HTR4: variants seen among roughly 807,000 people sequenced by gnomAD.
The protein encoded by HTR4 is 5-hydroxytryptamine (serotonin) receptor 4, G protein-coupled.
Under a neutral mutation model 36.8 loss-of-function variants are expected in HTR4, and 16 were observed. The observed-to-expected ratio is 0.43, with a 90% CI of 0.29 to 0.66. The LOEUF is 0.66. HTR4 is among the 30% of genes least tolerant of loss of function. The probability of loss-of-function intolerance (pLI) is 0.13; values close to 1 mark genes in which losing one functional copy is unlikely to be tolerated. For missense variants in HTR4, 438 were observed against 490.9 expected (o/e 0.89, Z 1.02); for synonymous variants, 189 against 185.1 (o/e 1.02, Z -0.17).
intron 6 of HTR4, among the ~76,000 whole-genome samples, chr5:148,488,820 T>A (rs1344373272): frequency 6.6e-6 from 1 of 152,198 alleles, no homozygotes; most frequent in African/African-American, 2.4e-5. Flanking sequence ...ACAAAATGTA[T>A]TCCCAAGGGC....
At chr5:148,544,278 TCTCTCTTTCTCTCTCTCTCCAC>T (rs66876395) in intron 4 of HTR4, among the ~76,000 whole-genome samples, 38,870 of 102,066 alleles carry the variant, frequency 0.38, 9,621 homozygotes, top group African/African-American at 0.7. Context: ...TCTCTCTCTT[TCTCTCTTTCTCTCTCTCTCCAC>T]CTCTCTTTCT....
At chr5:148,578,388 G>A (rs967987855) in intron 2 of HTR4, among the ~76,000 whole-genome samples, 25 of 152,056 alleles carry the variant, frequency 1.6e-4, no homozygotes, top group African/African-American at 5.8e-4. Context: ...TAGGCATCCT[G>A]AAGAGTTATC....
At chr5:148,617,406 A>C (rs1174746692) in intron 2 of HTR4, among the ~76,000 whole-genome samples, 1 of 152,184 alleles carries the variant, frequency 6.6e-6, no homozygotes, top group African/African-American at 2.4e-5. Context: ...TATTTACAGC[A>C]ATGCAAGCAC....
intron 2 of HTR4, among the ~76,000 whole-genome samples, chr5:148,634,626 G>C: frequency 6.6e-6 from 1 of 152,084 alleles, no homozygotes; most frequent in Non-Finnish European, 1.5e-5. Flanking sequence ...TTTCCTGAAG[G>C]ACTGAGTCCT....
intron 2 of HTR4, among the ~76,000 whole-genome samples, chr5:148,591,251 G>T (rs1761557653): frequency 6.6e-6 from 1 of 152,122 alleles, no homozygotes; most frequent in South Asian, 2.1e-4. Flanking sequence ...ATAGTTTGAA[G>T]TGAGTAACAT....
At chr5:148,626,966 C>A (rs1753132872) in intron 2 of HTR4, among the ~76,000 whole-genome samples, 1 of 152,174 alleles carries the variant, frequency 6.6e-6, no homozygotes, top group African/African-American at 2.4e-5. Flanking sequence ...CCCTATGCAC[C>A]ACACTTCTTC....
At chr5:148,650,846 A>C (rs56210805) in intron 1 of HTR4, among the ~76,000 whole-genome samples, 29,522 of 152,126 alleles carry the variant, frequency 0.19, 3,443 homozygotes, top group East Asian at 0.4. Flanking sequence ...ACCTTATAGT[A>C]TCTAGCCTGT....
chr5:148,486,854 G>A (rs769836545), intron 6 of HTR4, among the ~76,000 whole-genome samples: 3 of 152,294 alleles, frequency 2.0e-5, no homozygotes, highest in East Asian at 1.9e-4. Context: ...GCTGTTAAAC[G>A]TATTTGGGTA....
intron 2 of HTR4, among the ~76,000 whole-genome samples, chr5:148,561,871 T>G (rs982505442): frequency 1.3e-5 from 2 of 152,190 alleles, no homozygotes; most frequent in African/African-American, 4.8e-5. Context: ...CATACTCTGA[T>G]AGTAACCTGC....
intron 1 of HTR4, among the ~76,000 whole-genome samples, chr5:148,647,102 G>A (rs1473812300): frequency 3.9e-5 from 6 of 152,148 alleles, no homozygotes; most frequent in Non-Finnish European, 8.8e-5. Flanking sequence ...CAGGTTTATC[G>A]CTGTTCAGTG....
At chr5:148,653,584 A>G (rs1477770491) in intron 1 of HTR4, among the ~76,000 whole-genome samples, 1 of 148,762 alleles carries the variant, frequency 6.7e-6, no homozygotes, top group Non-Finnish European at 1.5e-5. Context: ...CGCTCAAGAC[A>G]CACTATCTTG....
At chr5:148,576,110 C>CAAAAAAAA (rs781780161) in intron 2 of HTR4, among the ~76,000 whole-genome samples, 782 of 32,634 alleles carry the variant, frequency 0.024, 171 homozygotes, top group African/African-American at 0.069. Context: ...GACTCCGTCT[C>CAAAAAAAA]AAAAAAAAAA....
At chr5:148,603,198 A>G (rs986655752) in intron 2 of HTR4, among the ~76,000 whole-genome samples, 15 of 152,084 alleles carry the variant, frequency 9.9e-5, no homozygotes, top group African/African-American at 3.6e-4. Context: ...ACCGCATCTA[A>G]AGCAACAAAT....
intron 1 of HTR4, chr5:148,645,399 CTT>C (rs767847770): frequency 3.7e-4 from 57 of 152,188 alleles, no homozygotes; most frequent in Non-Finnish European, 7.5e-4. Context: ...GTAATTTACA[CTT>C]GTCACAAAAT....
chr5:148,638,073 A>G (rs1331608250), intron 1 of HTR4, among the ~76,000 whole-genome samples: 2 of 152,234 alleles, frequency 1.3e-5, no homozygotes, highest in African/African-American at 4.8e-5. Context: ...CATGAAACTC[A>G]GCCTGGGCCC....
intron 6 of HTR4, among the ~76,000 whole-genome samples, chr5:148,497,126 C>CA (rs556270809): frequency 4.0e-4 from 60 of 151,682 alleles, no homozygotes; most frequent in Admixed American, 1.4e-3. Flanking sequence ...TTATACTTTT[C>CA]AAAAAAAACC....
intron 4 of HTR4, among the ~76,000 whole-genome samples, chr5:148,535,306 G>A (rs1758761465): frequency 6.6e-6 from 1 of 152,174 alleles, no homozygotes; most frequent in East Asian, 1.9e-4. Context: ...AAAAACTCTG[G>A]TAATTCAAAT....
chr5:148,509,367 A>G (rs1757380183), intron 6 of HTR4, 89 bp downstream of exon 6: 1 of 962,366 alleles, frequency 1.0e-6, no homozygotes, highest in African/African-American at 1.6e-5. Context: ...GGTTTCAGGG[A>G]TAACCCCTTT....
At chr5:148,627,416 G>A (rs1012978692) in intron 2 of HTR4, among the ~76,000 whole-genome samples, 13 of 152,084 alleles carry the variant, frequency 8.5e-5, no homozygotes, top group Admixed American at 3.3e-4. Context: ...CATCTTTTGA[G>A]GATTTGAACT....
Sources: gnomAD v4.1 joint callset for allele counts (sites outside exome capture counted in the v4.1 genomes callset) on GRCh38, gnomAD v4.1.1 for gene constraint, MANE v1.5 for transcripts, NCBI Gene and HGNC (gene_info 2026-07-23, HGNC 2026-07-21) for gene names.